PTPN1: variants seen among roughly 807,000 people sequenced by gnomAD.
The protein encoded by PTPN1 is tyrosine-protein phosphatase non-receptor type 1.
Under a neutral mutation model 59.9 loss-of-function variants are expected in PTPN1, and 12 were observed. The observed-to-expected ratio is 0.20, with a 90% confidence interval of 0.13 to 0.32. The LOEUF (loss-of-function observed/expected upper bound fraction) is 0.32. PTPN1 is among the 10% of genes least tolerant of loss of function. PTPN1 has a pLI of 1.00. For missense variants in PTPN1, 356 were observed against 549.2 expected (o/e 0.65, Z 3.52); for synonymous variants, 178 against 203.6 (o/e 0.87, Z 1.07).
chr20:50,570,800 A>G (rs6012970), intron 4 of PTPN1, among the ~76,000 whole-genome samples: 2,615 of 152,310 alleles, frequency 0.017, 29 homozygotes, highest in East Asian at 0.051. Context: ...ACCAGATGCC[A>G]GTAGCACCCC....
At chr20:50,560,390 T>G (rs1027761873) in intron 1 of PTPN1, among the ~76,000 whole-genome samples, 2 of 152,154 alleles carry the variant, frequency 1.3e-5, no homozygotes, top group African/African-American at 4.8e-5. Context: ...TGGCTCTACC[T>G]TTATCCCCTG....
chr20:50,577,762 T>C (rs2082843652), intron 5 of PTPN1: 1 of 152,372 alleles, frequency 6.6e-6, no homozygotes, highest in Non-Finnish European at 1.5e-5. Context: ...ATCCACCTCC[T>C]CATCGGAAAA....
intron 1 of PTPN1, among the ~76,000 whole-genome samples, chr20:50,558,295 A>C (rs1411565380): frequency 6.6e-6 from 1 of 152,204 alleles, no homozygotes; most frequent in Non-Finnish European, 1.5e-5. Flanking sequence ...CTTTTTTTGT[A>C]GCCATAGTAA....
chr20:50,552,973 G>T (rs2082709833), intron 1 of PTPN1, among the ~76,000 whole-genome samples: 1 of 152,006 alleles, frequency 6.6e-6, no homozygotes, highest in South Asian at 2.1e-4. Flanking sequence ...AAAATAATCT[G>T]CCCAACCTTC....
intron 1 of PTPN1, among the ~76,000 whole-genome samples, chr20:50,545,930 C>G (rs543516811): frequency 6.6e-6 from 1 of 151,844 alleles, no homozygotes; most frequent in South Asian, 2.1e-4. Context: ...CTCAGCTACC[C>G]AGTTGGCTGA....
At chr20:50,532,685 A>G (rs573946057) in intron 1 of PTPN1, among the ~76,000 whole-genome samples, 49 of 152,292 alleles carry the variant, frequency 3.2e-4, no homozygotes, top group African/African-American at 1.1e-3. Flanking sequence ...TTGTATGAAT[A>G]AAAAACATTC....
At chr20:50,551,255 TA>T (rs2082701007) in intron 1 of PTPN1, among the ~76,000 whole-genome samples, 1 of 152,332 alleles carries the variant, frequency 6.6e-6, no homozygotes, top group East Asian at 1.9e-4. Context: ...GGAAGAGCTA[TA>T]AAAACTATTC....
At chr20:50,519,617 T>A (rs1883699) in intron 1 of PTPN1, among the ~76,000 whole-genome samples, 140 of 152,288 alleles carry the variant, frequency 9.2e-4, no homozygotes, top group African/African-American at 3.2e-3. Context: ...AGGAGGTAGT[T>A]ACCCTTCTAA....
chr20:50,582,073 A>G lies in PTPN1; in HGVS notation c.1284+613A>G, dbSNP rs2122809548. On this transcript the variant is annotated intron_variant, in intron 9 of 9. Coordinates refer to ENST00000371621, the MANE Select transcript of PTPN1 (RefSeq NM_002827.4). This position sits in a 1 kb window ranked among gnomAD's most constrained non-coding sequence, Gnocchi z 4.2. ...TGAGCTTTCCCACTATAAGAAGAAC[A>G]GCAACAAAAGGCCGTCTAGAAAAAC... Among the ~76,000 whole-genome samples, 1 of 152,340 alleles carries G rather than the reference A, an allele frequency of 6.6e-6. No individual in the cohort carries two copies. The highest frequency in any genetic ancestry group is 2.1e-4 in the South Asian group (1 of 4,834).
chr20:50,559,525 G>C (rs904727743), intron 1 of PTPN1, among the ~76,000 whole-genome samples: 1 of 152,224 alleles, frequency 6.6e-6, no homozygotes, highest in Non-Finnish European at 1.5e-5. Flanking sequence ...CTGTGCCTTA[G>C]AATGGGTCTG....
chr20:50,538,956 G>A (rs554111921), intron 1 of PTPN1, among the ~76,000 whole-genome samples: 3 of 147,976 alleles, frequency 2.0e-5, no homozygotes, highest in African/African-American at 7.5e-5. Flanking sequence ...ATAGAGTGTT[G>A]TCTCCCTTAC....
At position 50,582,911 on chromosome 20, in the gene PTPN1, C is replaced by T. The variant is rs1601418256; in HGVS notation, c.*196C>T. 1.6e-6 allele frequency: 1 copy of T among 639,122 alleles called. No homozygotes were observed. Among genetic ancestry groups the T allele is most frequent in the Non-Finnish European group, 2.7e-6 (1 of 367,096 alleles). 39.6% of individuals were successfully genotyped at this position (639,122 alleles called of 1,614,324 possible). A position where few individuals can be genotyped will look rare whatever the true frequency, so the allele number is the denominator to read the frequency against. On this transcript the variant is annotated 3_prime_UTR_variant, in exon 10 of 10. Transcript: ENST00000371621. The surrounding 1 kb of genome is among the most constrained non-coding windows in gnomAD (Gnocchi z 4.2). ...CACCCCTCATCCTTTTACTTTTTGC[C>T]CCTTCCACTTTGAGTACCAAATCCA...
At chr20:50,523,060 C>T (rs1367372024) in intron 1 of PTPN1, among the ~76,000 whole-genome samples, 1 of 152,102 alleles carries the variant, frequency 6.6e-6, no homozygotes, top group East Asian at 1.9e-4. Context: ...GCCACTGCCT[C>T]CGGCCAGGTA....
In PTPN1 at chr20:50,510,400, G is replaced by C. The variant is rs1214516147; in HGVS notation, c.-128G>C. The stretch of plus-strand genomic sequence containing the variant: ...CGGTTGACATGAAGAAGCAGCAGCG[G>C]CTAGGGCGGCGGTAGCTGCAGGGGT... On this transcript the variant is annotated 5_prime_UTR_variant, in exon 1 of 10. Transcript: ENST00000371621. 2 of 992,686 alleles carry C rather than the reference G, an allele frequency of 2.0e-6. No individual in the cohort carries two copies. Among genetic ancestry groups the C allele is most frequent in the Non-Finnish European group, 2.9e-6 (2 of 679,058 alleles). 61.5% of individuals were successfully genotyped at this position (992,686 alleles called of 1,614,324 possible). A position where few individuals can be genotyped will look rare whatever the true frequency, so the allele number is the denominator to read the frequency against.
intron 1 of PTPN1, among the ~76,000 whole-genome samples, chr20:50,546,363 C>T (rs1444956865): frequency 2.6e-5 from 4 of 152,172 alleles, no homozygotes; most frequent in Admixed American, 2.0e-4. Context: ...CACAGAGGAG[C>T]TTGGTTGCCT....
intron 1 of PTPN1, among the ~76,000 whole-genome samples, chr20:50,542,396 A>G (rs1464148587): frequency 6.6e-6 from 1 of 152,162 alleles, no homozygotes; most frequent in Non-Finnish European, 1.5e-5. Flanking sequence ...CCCCGAGTTT[A>G]TGTACTGCTG....
chr20:50,556,871 G>A (rs2082728176), intron 1 of PTPN1, among the ~76,000 whole-genome samples: 1 of 152,174 alleles, frequency 6.6e-6, no homozygotes, highest in Non-Finnish European at 1.5e-5. Flanking sequence ...CTTCAACCCG[G>A]GAGGCAGAGG....
chr20:50,576,104 C>T (rs926324702), intron 5 of PTPN1, among the ~76,000 whole-genome samples: 7 of 152,086 alleles, frequency 4.6e-5, no homozygotes, highest in African/African-American at 1.7e-4. Flanking sequence ...CTGCCATAGC[C>T]CTGATGGGGC....
At chr20:50,575,374 T>A (rs576555899) in intron 5 of PTPN1, among the ~76,000 whole-genome samples, 12 of 152,282 alleles carry the variant, frequency 7.9e-5, no homozygotes, top group African/African-American at 2.9e-4. Flanking sequence ...TACTAGCTCA[T>A]CACAGTGTCT....
Sources: allele counts gnomAD v4.1 joint callset (sites outside exome capture counted in the v4.1 genomes callset), GRCh38; gene constraint gnomAD v4.1.1; non-coding constraint Gnocchi (gnomAD v3.1); transcripts MANE v1.5; gene names NCBI Gene and HGNC (gene_info 2026-07-23, HGNC 2026-07-21).